Variants in PSG2 observed in about 807,000 individuals in gnomAD.
PSG2 encodes pregnancy-specific beta-1-glycoprotein 2.
PSG2 carries 49 observed loss-of-function variants against 36.2 expected under a neutral mutation model. The observed-to-expected ratio is 1.35, with a 90% confidence interval of 1.08 to 1.72. The LOEUF is 1.72. Among genes scored for constraint, PSG2 ranks in the 40% most tolerant of loss-of-function variants. The pLI, the probability that PSG2 is intolerant of heterozygous loss-of-function variation, is 0.00. For missense variants in PSG2, 605 were observed against 407.2 expected, an observed-to-expected ratio of 1.49 and a Z score of -4.18; for synonymous variants, 261 against 155.6, an observed-to-expected ratio of 1.68 and a Z score of -5.04.
chr19:43,076,051 G>T (rs910239765), intron 2 of PSG2, among the ~76,000 whole-genome samples: 11 of 151,650 alleles, frequency 7.3e-5, no homozygotes, highest in African/African-American at 1.9e-4. Context: ...AGCTTCCCTT[G>T]CCAAGGACAT....
rs576497307 is a variant in PSG2 at position 43,067,608 on chromosome 19, G to A, written c.965-1008C>T. Among the ~76,000 whole-genome samples, 302 of 150,918 alleles carry A rather than the reference G, an allele frequency of 2.0e-3. 1 individual carries two copies. Among genetic ancestry groups the A allele is most frequent in the African/African-American group, 6.9e-3 (279 of 40,480 alleles). On this transcript the variant is annotated intron_variant, in intron 4 of 5. Coordinates refer to ENST00000406487, the MANE Select transcript of PSG2 (RefSeq NM_031246.4). ...GGCAATGAAAAGACAGAAGCTTAGC[G>A]TGGTGTAAAAACTTTCCTGGTGTCA...
At chr19:43,067,551 T>C (rs1967756813) in intron 4 of PSG2, among the ~76,000 whole-genome samples, 1 of 151,480 alleles carries the variant, frequency 6.6e-6, no homozygotes, top group South Asian at 2.1e-4. Context: ...ATCCACACAA[T>C]AACCCTGTCA....
At chr19:43,073,025 G>A (rs1967841848) in intron 3 of PSG2, among the ~76,000 whole-genome samples, 1 of 151,664 alleles carries the variant, frequency 6.6e-6, no homozygotes, top group South Asian at 2.1e-4. Context: ...CCCCCTAGAT[G>A]TGATTTCTCT....
chr19:43,076,523 G>A (rs1967898414), intron 2 of PSG2, among the ~76,000 whole-genome samples: 1 of 151,746 alleles, frequency 6.6e-6, no homozygotes, highest in African/African-American at 2.4e-5. Context: ...TGTGTTTGGT[G>A]GATATTAGAC....
At position 43,081,891 on chromosome 19, in the gene PSG2, C is replaced by T. The variant is rs550501619; in HGVS notation, c.64+615G>A. 41 of 154,286 alleles carry T rather than the reference C, an allele frequency of 2.7e-4. 2 individuals carry two copies. The East Asian group carries it at 5.8e-3, about 22-fold the overall frequency. 9.6% of individuals were successfully genotyped at this position (154,286 alleles called of 1,614,324 possible). A position where few individuals can be genotyped will look rare whatever the true frequency, so the allele number is the denominator to read the frequency against. ...GTTTTTTGCTGAGGACAGTGTTTCA[C>T]GTCCTGCTTATATTTTTATTTGAAG... On this transcript the variant is annotated intron_variant, in intron 1 of 5. Transcript: ENST00000406487.
rs529270107 is a variant in PSG2, at chr19:43,066,865, T to C, written c.965-265A>G. ...GGCTTTCAGATGTGAGAAAGGCTGA[T>C]TGCTATTTTCTATGTCATTAGAACT... On this transcript the variant is annotated intron_variant, in intron 4 of 5. Coordinates refer to ENST00000406487, the MANE Select transcript of PSG2 (RefSeq NM_031246.4). 1.5e-4 allele frequency among the ~76,000 whole-genome samples: 23 copies of C among 151,642 alleles called. No homozygotes were observed. In the South Asian group the frequency reaches 4.4e-3, roughly 29 times the overall value.
chr19:43,071,672 A>G, intron 4 of PSG2, 28 bp downstream of exon 4: 2 of 1,612,652 alleles, frequency 1.2e-6, no homozygotes, highest in Non-Finnish European at 1.7e-6. Context: ...CTAAAACCCT[A>G]CTGCCAAGGA....
chr19:43,075,558 AG>A lies in PSG2; in HGVS notation c.504del (p.Cys169ValfsTer14), dbSNP rs747525380. 2 of 1,613,166 alleles carry A rather than the reference AG, an allele frequency of 1.2e-6. No homozygotes were observed. The highest frequency in any genetic ancestry group is 2.7e-5 in the African/African-American group (2 of 74,452). ...PREAMETVIL[T>X]CDPETPDTSY... ...CTTGTGTCCGGAGTCTCAGGATCAC[AG>A]GTTAAGATCACAGTTTCCATGGCCT... On this transcript the variant is annotated frameshift_variant, in exon 3 of 6. Transcript: ENST00000406487. LOFTEE classifies it high-confidence loss of function.
At chr19:43,071,103 C>G (rs1233314974) in intron 4 of PSG2, among the ~76,000 whole-genome samples, 3 of 151,446 alleles carry the variant, frequency 2.0e-5, no homozygotes, top group East Asian at 3.9e-4. Context: ...GGCTTGGCTT[C>G]AACTGGCAGC....
intron 3 of PSG2, chr19:43,072,572 TC>T: frequency 6.2e-7 from 1 of 1,611,406 alleles, no homozygotes; most frequent in Non-Finnish European, 8.5e-7. Flanking sequence ...GGCTAATACA[TC>T]CTTATTCTCC....
At chr19:43,075,130 G>T (rs59192211) in intron 3 of PSG2, among the ~76,000 whole-genome samples, 15,257 of 151,764 alleles carry the variant, frequency 0.1, 1,034 homozygotes, top group Admixed American at 0.15. Flanking sequence ...CCCATCACAA[G>T]CTGTGGACCC....
intron 4 of PSG2, among the ~76,000 whole-genome samples, chr19:43,070,525 T>C (rs191983618): frequency 2.6e-5 from 4 of 151,762 alleles, no homozygotes; most frequent in Non-Finnish European, 5.9e-5. Context: ...TAACAAGGAA[T>C]AAAATTCCAA....
chr19:43,082,282 A>G, intron 1 of PSG2: 2 of 614,020 alleles, frequency 3.3e-6, no homozygotes, highest in Non-Finnish European at 5.2e-6. Context: ...CTGGAATTAC[A>G]GGAACACACG....
chr19:43,082,604 A>T lies in PSG2; in HGVS notation c.-35T>A. The T allele has an allele frequency of 6.2e-7, 1 of 1,607,708 alleles. No individual in the cohort carries two copies. The highest frequency in any genetic ancestry group is 8.5e-7 in the Non-Finnish European group (1 of 1,176,168). ...TGCCTGTGTGTTCTCCTCTGTGGAG[A>T]TGAGCCTAGGATCCAGAAACTTCCT... On this transcript the variant is annotated 5_prime_UTR_variant, in exon 1 of 6. Coordinates refer to ENST00000406487, the MANE Select transcript of PSG2 (RefSeq NM_031246.4).
rs896526874 is a variant in PSG2 at position 43,082,248 on chromosome 19, C to G, written c.64+258G>C. 19 of 419,758 alleles carry G rather than the reference C, an allele frequency of 4.5e-5. 2 individuals are homozygous for G. The highest frequency in any genetic ancestry group is 3.8e-4 in the African/African-American group (18 of 47,218). 26.0% of individuals were successfully genotyped at this position (419,758 alleles called of 1,614,324 possible). On this transcript the variant is annotated intron_variant, in intron 1 of 5. Coordinates refer to ENST00000406487, the MANE Select transcript of PSG2 (RefSeq NM_031246.4). ...TTCTGCCTCCTGGGTTCACGTGATTCTCCTGCCACAGCCTCCTGAGTAGCT... is the reference window on the plus strand; with the variant it reads ...TTCTGCCTCCTGGGTTCACGTGATTGTCCTGCCACAGCCTCCTGAGTAGCT...
chr19:43,072,374 T>C, intron 3 of PSG2: 3 of 1,612,528 alleles, frequency 1.9e-6, no homozygotes, highest in Middle Eastern at 1.7e-4. Flanking sequence ...GGTGACTGGG[T>C]CACTGTGGAT....
rs1326822867 is a variant in PSG2, at chr19:43,075,612, T to G, written c.451A>C (p.Ile151Leu). Residue 151 changes from isoleucine (I) to leucine (L), a missense_variant, in exon 3 of 6, where the codon ATC becomes CTC. Ile to Leu is a conservative substitution (Grantham distance 5, BLOSUM62 2). Coordinates refer to ENST00000406487, the MANE Select transcript of PSG2 (RefSeq NM_031246.4). Reference sequence around the variant, plus strand: ...CTGGGGTTTAAGTTGCTGCTGGAGATGGAGGGCTTGGGAGTCTCCACTGTG... The same window carrying G: ...CTGGGGTTTAAGTTGCTGCTGGAGAGGGAGGGCTTGGGAGTCTCCACTGTG... ...TLYLETPKPSISSSNLNPREA... is the reference protein window; with the variant it reads ...TLYLETPKPSLSSSNLNPREA... 9 of 1,612,890 alleles carry G rather than the reference T, an allele frequency of 5.6e-6. No individual in the cohort carries two copies. The highest frequency in any genetic ancestry group is 2.5e-6 in the Non-Finnish European group (3 of 1,179,608).
chr19:43,080,903 T>C lies in PSG2; in HGVS notation c.408A>G (p.Gly136=), dbSNP rs1302256701. ...TACGGTATAAGGTGAAGGTGAAATA[T>C]CCAGTTACTCCTCTAGTCCCATCAC... The part of the protein sequence containing the change: ...KRGDGTRGVT[G]YFTFTLYLET... The change falls in exon 2 of 6, where the codon GGA becomes GGG. Residue 136 remains glycine, a synonymous_variant. Transcript: ENST00000406487. 9 of 1,612,364 alleles carry C rather than the reference T, an allele frequency of 5.6e-6. No homozygotes were observed. The highest frequency in any genetic ancestry group is 1.3e-5 in the African/African-American group (1 of 74,320).
At chr19:43,079,006 C>T (rs935100670) in intron 2 of PSG2, among the ~76,000 whole-genome samples, 2 of 151,630 alleles carry the variant, frequency 1.3e-5, no homozygotes, top group African/African-American at 4.9e-5. Flanking sequence ...CAGGTGATTT[C>T]TGCACCTTTC....
Sources: gnomAD v4.1 joint callset for allele counts (sites outside exome capture counted in the v4.1 genomes callset) on GRCh38, gnomAD v4.1.1 for gene constraint, MANE v1.5 for transcripts, NCBI Gene and HGNC (gene_info 2026-07-23, HGNC 2026-07-21) for gene names.